FOXP1: variants seen among roughly 807,000 people sequenced by gnomAD.
FOXP1 encodes the protein forkhead box protein P1.
A neutral mutation model predicts 98.2 loss-of-function variants in FOXP1; 15 were observed. The ratio of observed to expected loss-of-function variants is 0.15; its 90% CI spans 0.10 to 0.24. The LOEUF is 0.24. FOXP1 is among the 10% of genes least tolerant of loss of function. FOXP1 has a pLI of 1.00. For missense variants in FOXP1, 633 were observed against 848.5 expected (o/e 0.75, Z 3.15); for synonymous variants, 371 against 314.5 (o/e 1.18, Z -1.90).
intron 4 of FOXP1, among the ~76,000 whole-genome samples, chr3:71,331,378 A>AC (rs1349033532): frequency 3.3e-5 from 3 of 90,492 alleles, no homozygotes; most frequent in Admixed American, 2.2e-4. Flanking sequence ...CCCCCTCCCC[A>AC]CCCCCCGCCA....
At chr3:71,004,301 T>G (rs1227672230) in intron 12 of FOXP1, among the ~76,000 whole-genome samples, 1 of 151,996 alleles carries the variant, frequency 6.6e-6, no homozygotes, top group East Asian at 1.9e-4. Flanking sequence ...TCAAGGAGAT[T>G]AGTAAAAAAA....
intron 3 of FOXP1, among the ~76,000 whole-genome samples, chr3:71,362,467 A>G (rs2078639630): frequency 6.6e-6 from 1 of 152,114 alleles, no homozygotes; most frequent in Non-Finnish European, 1.5e-5. Context: ...CACCGCGCCC[A>G]GCCCTATTAT....
chr3:71,348,518 T>TGCGC (rs1331451986), intron 4 of FOXP1, among the ~76,000 whole-genome samples: 1 of 30,822 alleles, frequency 3.2e-5, no homozygotes, highest in South Asian at 1.2e-3. Flanking sequence ...TGTGTGTGTG[T>TGCGC]GTGCGTGTGT....
At chr3:71,564,478 A>G (rs1471305815) in intron 2 of FOXP1, among the ~76,000 whole-genome samples, 1 of 152,240 alleles carries the variant, frequency 6.6e-6, no homozygotes, top group Non-Finnish European at 1.5e-5. Flanking sequence ...ACACACATTT[A>G]TGGAAGATCA....
At chr3:71,281,620 C>T (rs2071576471) in intron 5 of FOXP1, among the ~76,000 whole-genome samples, 1 of 152,208 alleles carries the variant, frequency 6.6e-6, no homozygotes, top group African/African-American at 2.4e-5. Flanking sequence ...AATGCAGTCT[C>T]TACTTGTAAG....
chr3:71,143,334 G>A (rs1292766871), intron 6 of FOXP1, among the ~76,000 whole-genome samples: 2 of 152,178 alleles, frequency 1.3e-5, no homozygotes, highest in Admixed American at 1.3e-4. Context: ...GACCATGCAA[G>A]GGATGTGGGG....
At position 70,959,285 on chromosome 3, in the gene FOXP1, C is replaced by T. The variant is rs1394935459; in HGVS notation, c.1996G>A (p.Asp666Asn). 1 of 1,613,542 alleles carries T rather than the reference C, an allele frequency of 6.2e-7. No homozygotes were observed. The highest frequency in any genetic ancestry group is 8.5e-7 in the Non-Finnish European group (1 of 1,179,974). ...NHSPDFDHDR[D>N]YEDEPVNEDM... is the part of the protein sequence containing the mutation. ...TCGTTTACTGGTTCATCTTCGTAAT[C>T]TCTGTCATGGTCAAAATCTGGACTG... is the stretch of plus-strand genomic sequence containing the variant. The change falls in exon 21 of 21, where the codon GAT becomes AAT. Residue 666 changes from aspartate (D) to asparagine (N), a missense_variant. By Grantham distance (23) the Asp-to-Asn change is conservative. Transcript: ENST00000649528.
chr3:71,210,335 T>C (rs1015213634), intron 5 of FOXP1, among the ~76,000 whole-genome samples: 2 of 152,226 alleles, frequency 1.3e-5, no homozygotes, highest in African/African-American at 4.8e-5. Flanking sequence ...GTTTTGTTGC[T>C]CTGTGGTTTG....
At chr3:71,212,330 C>T (rs556801195) in intron 5 of FOXP1, among the ~76,000 whole-genome samples, 4 of 152,298 alleles carry the variant, frequency 2.6e-5, no homozygotes, top group South Asian at 2.1e-4. Context: ...TGAACCTCCA[C>T]GCTATAATCT....
chr3:71,322,243 A>C (rs907660715), intron 4 of FOXP1, among the ~76,000 whole-genome samples: 1 of 152,266 alleles, frequency 6.6e-6, no homozygotes, highest in African/African-American at 2.4e-5. Context: ...CTGGGCTATG[A>C]AAAACAGTAG....
chr3:71,142,434 T>C (rs1218019146), intron 6 of FOXP1, among the ~76,000 whole-genome samples: 2 of 152,224 alleles, frequency 1.3e-5, no homozygotes, highest in Admixed American at 6.5e-5. Context: ...GTGGGCCTGA[T>C]GGAATCACAT....
At chr3:71,434,633 T>G (rs889086423) in intron 3 of FOXP1, among the ~76,000 whole-genome samples, 3 of 140,766 alleles carry the variant, frequency 2.1e-5, no homozygotes, top group East Asian at 2.8e-4. Flanking sequence ...GGGGATGGGG[T>G]GTGTGTGTGT....
At chr3:71,295,125 T>C (rs1007391971) in intron 5 of FOXP1, among the ~76,000 whole-genome samples, 2 of 152,146 alleles carry the variant, frequency 1.3e-5, no homozygotes, top group African/African-American at 2.4e-5. Flanking sequence ...CAGGGAGCAT[T>C]TCAATGCTTA....
intron 3 of FOXP1, among the ~76,000 whole-genome samples, chr3:71,469,167 C>T (rs1479617786): frequency 1.3e-5 from 2 of 152,180 alleles, no homozygotes; most frequent in Non-Finnish European, 2.9e-5. Context: ...ATTATCATTA[C>T]ATCAAGTTCC....
At chr3:71,030,823 A>G (rs909573304) in intron 11 of FOXP1, among the ~76,000 whole-genome samples, 1 of 152,174 alleles carries the variant, frequency 6.6e-6, no homozygotes, top group Non-Finnish European at 1.5e-5. Flanking sequence ...ATTAAAGTAA[A>G]CTGCCATTTT....
intron 2 of FOXP1, among the ~76,000 whole-genome samples, chr3:71,520,617 C>T (rs1300823308): frequency 6.6e-6 from 1 of 152,168 alleles, no homozygotes; most frequent in African/African-American, 2.4e-5. Flanking sequence ...AGACTGCCCT[C>T]GAGAAAACAG....
chr3:71,494,629 A>AG (rs1295241155), intron 2 of FOXP1, among the ~76,000 whole-genome samples: 1 of 152,218 alleles, frequency 6.6e-6, no homozygotes, highest in Non-Finnish European at 1.5e-5. Flanking sequence ...GATGTATTCT[A>AG]GATTGATGCT....
At chr3:71,568,438 G>A (rs1239489675) in intron 2 of FOXP1, among the ~76,000 whole-genome samples, 1 of 152,092 alleles carries the variant, frequency 6.6e-6, no homozygotes, top group East Asian at 1.9e-4. Context: ...GGCAGAGCTG[G>A]TTTCATGGAC....
At chr3:71,025,050 A>G (rs1324128203) in intron 11 of FOXP1, among the ~76,000 whole-genome samples, 2 of 152,222 alleles carry the variant, frequency 1.3e-5, no homozygotes, top group Non-Finnish European at 2.9e-5. Context: ...TTATGAGTAC[A>G]TCAGAAACAT....
Sources: gnomAD v4.1 joint callset for allele counts (sites outside exome capture counted in the v4.1 genomes callset) on GRCh38, gnomAD v4.1.1 for gene constraint, MANE v1.5 for transcripts, NCBI Gene and HGNC (gene_info 2026-07-23, HGNC 2026-07-21) for gene names.